Variants in MARCHF8 observed in about 807,000 individuals in gnomAD.
The protein encoded by MARCHF8 is membrane associated ring-CH-type finger 8.
MARCHF8 carries 40 observed loss-of-function variants against 51.6 expected under a neutral mutation model. The observed-to-expected ratio is 0.77, with a 90% confidence interval of 0.60 to 1.01. The LOEUF (loss-of-function observed/expected upper bound fraction) is 1.01, where lower values mean the gene tolerates loss of function less well. MARCHF8 is among the 50% of genes least tolerant of loss of function. The probability of loss-of-function intolerance (pLI) is 0.00; values close to 1 mark genes in which losing one functional copy is unlikely to be tolerated. For synonymous variants in MARCHF8, 263 were observed against 280.3 expected (o/e 0.94, Z 0.62); for missense variants, 685 against 708.6 (o/e 0.97, Z 0.38).
In MARCHF8 at chr10:45,457,347, T is replaced by C. The variant is rs2132896113; in HGVS notation, c.*892A>G. 1 of 152,336 alleles carries C rather than the reference T, an allele frequency of 6.6e-6. No individual in the cohort carries two copies. Among genetic ancestry groups the C allele is most frequent in the South Asian group, 2.1e-4 (1 of 4,822 alleles). The allele number at this position is 152,336 out of a possible 1,614,324, so 9.4% of individuals were successfully genotyped here. Reference sequence around the variant, plus strand: ...TGGGCCAGGTCTACAAAGTAACACCTTGTCATAAAACAGGCTCAAAAGCAT... The same window carrying C: ...TGGGCCAGGTCTACAAAGTAACACCCTGTCATAAAACAGGCTCAAAAGCAT... On this transcript the variant is annotated 3_prime_UTR_variant, in exon 8 of 8. Transcript: ENST00000453424.
At chr10:45,542,690 T>C (rs529491108) in intron 1 of MARCHF8, among the ~76,000 whole-genome samples, 3 of 152,308 alleles carry the variant, frequency 2.0e-5, no homozygotes, top group South Asian at 2.1e-4. Flanking sequence ...TTTTATTACA[T>C]GTATTTTAGT....
At chr10:45,554,599 T>C (rs2044231163) in intron 1 of MARCHF8, among the ~76,000 whole-genome samples, 1 of 152,142 alleles carries the variant, frequency 6.6e-6, no homozygotes, top group Admixed American at 6.5e-5. Context: ...CAGGAGCTAA[T>C]GTGAAGGCAC....
At chr10:45,590,555 T>C (rs2044666852) in intron 1 of MARCHF8, among the ~76,000 whole-genome samples, 1 of 152,204 alleles carries the variant, frequency 6.6e-6, no homozygotes, top group African/African-American at 2.4e-5. Context: ...CCTAGATGTA[T>C]ATTCCAGAGA....
intron 1 of MARCHF8, among the ~76,000 whole-genome samples, chr10:45,582,863 C>A (rs564241691): frequency 3.9e-4 from 60 of 152,300 alleles, no homozygotes; most frequent in African/African-American, 1.4e-3. Flanking sequence ...TCATAGACTA[C>A]TACCTGGCTT....
intron 3 of MARCHF8, among the ~76,000 whole-genome samples, chr10:45,481,385 T>C (rs2042884641): frequency 6.6e-6 from 1 of 152,176 alleles, no homozygotes; most frequent in African/African-American, 2.4e-5. Context: ...TGTGAGGACA[T>C]GAGATTTGGG....
chr10:45,480,135 C>T (rs1328797610), intron 3 of MARCHF8, among the ~76,000 whole-genome samples: 1 of 152,164 alleles, frequency 6.6e-6, no homozygotes, highest in Non-Finnish European at 1.5e-5. Context: ...ATGTGTGGAA[C>T]TTTGAACTTG....
At position 45,463,204 on chromosome 10, in the gene MARCHF8, G is replaced by C; in HGVS notation, c.1035C>G (p.Phe345Leu). ...KDSDLDCPSP[F>L]SEKLPPISPV... The stretch of plus-strand genomic sequence containing the variant: ...GAGATATGGGGGGTAATTTTTCAGA[G>C]AAGGGAGAAGGACAATCCAGGTCGC... The change falls in exon 5 of 8, where the codon TTC becomes TTG. Residue 345 changes from phenylalanine (F) to leucine (L), a missense_variant. By Grantham distance (22) the Phe-to-Leu change is conservative (BLOSUM62 0). Coordinates refer to ENST00000453424, the MANE Select transcript of MARCHF8 (RefSeq NM_001282866.2). 1 of 1,550,730 alleles carries C rather than the reference G, an allele frequency of 6.4e-7. No homozygotes were observed.
At chr10:45,556,041 T>C (rs2044248685) in intron 1 of MARCHF8, among the ~76,000 whole-genome samples, 1 of 152,220 alleles carries the variant, frequency 6.6e-6, no homozygotes, top group South Asian at 2.1e-4. Flanking sequence ...AATGGATCTA[T>C]GTGAAGAATA....
chr10:45,464,849 G>A (rs905927229), intron 3 of MARCHF8, among the ~76,000 whole-genome samples: 3 of 152,128 alleles, frequency 2.0e-5, no homozygotes, highest in African/African-American at 7.2e-5. Context: ...CACACAAAAG[G>A]GAGTCCAGAC....
At chr10:45,540,289 G>T (rs2044032083), upstream of MARCHF8, among the ~76,000 whole-genome samples, 1 of 152,172 alleles carries the variant, frequency 6.6e-6, no homozygotes. Flanking sequence ...CACACTACCT[G>T]ACTTCAAAGT....
intron 3 of MARCHF8, among the ~76,000 whole-genome samples, chr10:45,485,521 G>A (rs987243582): frequency 6.6e-6 from 1 of 152,100 alleles, no homozygotes; most frequent in East Asian, 1.9e-4. Flanking sequence ...ACTTTGAAGA[G>A]AGGCAAGCCA....
chr10:45,533,885 T>C (rs1266368495), intron 1 of MARCHF8, among the ~76,000 whole-genome samples: 10 of 152,080 alleles, frequency 6.6e-5, no homozygotes, highest in East Asian at 1.9e-4. Context: ...AAAGCACCCA[T>C]AGAGAGCATG....
At chr10:45,482,155 A>G (rs1906284) in intron 3 of MARCHF8, among the ~76,000 whole-genome samples, 12,121 of 152,252 alleles carry the variant, frequency 0.08, 690 homozygotes, top group Admixed American at 0.19. Context: ...CTGATAAAAG[A>G]AGCTGAAGAG....
At chr10:45,547,102 A>C (rs2044135508) in intron 1 of MARCHF8, among the ~76,000 whole-genome samples, 1 of 152,238 alleles carries the variant, frequency 6.6e-6, no homozygotes, top group South Asian at 2.1e-4. Context: ...TAAAGGGTAC[A>C]ATAAATGTTA....
intron 2 of MARCHF8, among the ~76,000 whole-genome samples, chr10:45,531,006 C>T (rs528074742): frequency 4.6e-5 from 7 of 152,008 alleles, no homozygotes; most frequent in Admixed American, 2.0e-4. Flanking sequence ...ACACACTAGA[C>T]GGAATTACTG....
At chr10:45,462,783 G>A (rs1047065879) in intron 5 of MARCHF8, among the ~76,000 whole-genome samples, 22 of 151,812 alleles carry the variant, frequency 1.4e-4, no homozygotes, top group Admixed American at 2.0e-4. Flanking sequence ...CCGCCACCAC[G>A]CCCGGCTAAT....
At chr10:45,470,600 CA>C (rs1843141599) in intron 3 of MARCHF8, among the ~76,000 whole-genome samples, 2 of 152,158 alleles carry the variant, frequency 1.3e-5, no homozygotes, top group Non-Finnish European at 2.9e-5. Flanking sequence ...TCCCAGGTTC[CA>C]GGCAATTGTG....
intron 2 of MARCHF8, among the ~76,000 whole-genome samples, chr10:45,493,882 C>T (rs2043127252): frequency 6.6e-6 from 1 of 152,176 alleles, no homozygotes; most frequent in African/African-American, 2.4e-5. Flanking sequence ...AATTCCTGGG[C>T]TCAAGTGATC....
chr10:45,536,870 A>ATAATAG (rs71515358), upstream of MARCHF8, among the ~76,000 whole-genome samples: 4,533 of 147,908 alleles, frequency 0.031, 110 homozygotes, highest in Non-Finnish European at 0.046. Context: ...AATAATAATA[A>ATAATAG]TAATAATAAT....
Sources: gnomAD v4.1 joint callset for allele counts (sites outside exome capture counted in the v4.1 genomes callset) on GRCh38, gnomAD v4.1.1 for gene constraint, MANE v1.5 for transcripts, NCBI Gene and HGNC (gene_info 2026-07-23, HGNC 2026-07-21) for gene names.